CARMIL1: variants seen among roughly 807,000 people sequenced by gnomAD.
The protein encoded by CARMIL1 is F-actin-uncapping protein LRRC16A.
A neutral mutation model predicts 177.1 loss-of-function variants in CARMIL1; 90 were observed. The observed-to-expected ratio is 0.51, with a 90% confidence interval of 0.43 to 0.61. The LOEUF is 0.61. Ranked by LOEUF, CARMIL1 falls within the 20% of genes least tolerant of loss-of-function variation. The probability of loss-of-function intolerance (pLI) is 0.00; values close to 1 mark genes in which losing one functional copy is unlikely to be tolerated. For synonymous variants in CARMIL1, 577 were observed against 606.2 expected, an observed-to-expected ratio of 0.95 and a Z score of 0.71; for missense variants, 1,380 against 1,667.0, an observed-to-expected ratio of 0.83 and a Z score of 3.00.
At chr6:25,542,460 A>G (rs1809015983) in intron 26 of CARMIL1, among the ~76,000 whole-genome samples, 1 of 152,184 alleles carries the variant, frequency 6.6e-6, no homozygotes, top group Non-Finnish European at 1.5e-5. Context: ...AGTGTTCTCC[A>G]TTCATCATCG....
At chr6:25,282,334 C>T (rs1436041610) in intron 1 of CARMIL1, among the ~76,000 whole-genome samples, 2 of 152,010 alleles carry the variant, frequency 1.3e-5, no homozygotes, top group Non-Finnish European at 2.9e-5. Context: ...GAGGAGTGGC[C>T]TGTGCTTGTT....
chr6:25,568,892 TCAAA>T (rs535538741), intron 29 of CARMIL1, among the ~76,000 whole-genome samples: 1 of 152,224 alleles, frequency 6.6e-6, no homozygotes, highest in Non-Finnish European at 1.5e-5. Flanking sequence ...TAACATTAAA[TCAAA>T]CAATAGCTAA....
At chr6:25,347,385 T>G (rs17678852) in intron 2 of CARMIL1, among the ~76,000 whole-genome samples, 1 of 152,146 alleles carries the variant, frequency 6.6e-6, no homozygotes, top group Non-Finnish European at 1.5e-5. Context: ...GGCTATTGCA[T>G]GTAACTATAA....
chr6:25,464,007 A>G (rs1800365947), intron 8 of CARMIL1, among the ~76,000 whole-genome samples: 1 of 151,710 alleles, frequency 6.6e-6, no homozygotes, highest in Non-Finnish European at 1.5e-5. Context: ...TATTTTTAGT[A>G]GAGACGGGGT....
intron 26 of CARMIL1, among the ~76,000 whole-genome samples, chr6:25,545,488 G>A (rs1809361583): frequency 6.6e-6 from 1 of 152,210 alleles, no homozygotes. Flanking sequence ...ATTTGCCATT[G>A]TGGTAGAGAT....
At chr6:25,411,676 C>T (rs1021828680) in intron 2 of CARMIL1, among the ~76,000 whole-genome samples, 8 of 152,240 alleles carry the variant, frequency 5.3e-5, no homozygotes, top group Non-Finnish European at 8.8e-5. Flanking sequence ...TCCATTTCTA[C>T]ATAATGTGAA....
intron 2 of CARMIL1, among the ~76,000 whole-genome samples, chr6:25,407,092 A>T (rs979341306): frequency 6.6e-6 from 1 of 152,148 alleles, no homozygotes; most frequent in Non-Finnish European, 1.5e-5. Context: ...AGCAATCAAG[A>T]TTGGCACCTC....
intron 17 of CARMIL1, among the ~76,000 whole-genome samples, chr6:25,506,139 C>G (rs1402573145): frequency 6.6e-6 from 1 of 152,216 alleles, no homozygotes; most frequent in African/African-American, 2.4e-5. Context: ...TGTAGTGCCC[C>G]TTACCTATCA....
At chr6:25,406,822 G>A (rs1406033376) in intron 2 of CARMIL1, among the ~76,000 whole-genome samples, 1 of 152,186 alleles carries the variant, frequency 6.6e-6, no homozygotes, top group Non-Finnish European at 1.5e-5. Context: ...ACATACAAGT[G>A]AAGTTAGATC....
intron 35 of CARMIL1, among the ~76,000 whole-genome samples, chr6:25,606,795 T>C (rs1192970490): frequency 2.0e-5 from 3 of 152,170 alleles, no homozygotes; most frequent in African/African-American, 7.2e-5. Flanking sequence ...TATTTTTGCG[T>C]TGGTGTCACC....
intron 2 of CARMIL1, among the ~76,000 whole-genome samples, chr6:25,307,513 AAG>A (rs1248339064): frequency 6.6e-6 from 1 of 152,266 alleles, no homozygotes; most frequent in Non-Finnish European, 1.5e-5. Context: ...ATTTTTAAAA[AAG>A]AGATCCATTT....
At position 25,528,851 on chromosome 6, in the gene CARMIL1, C is replaced by G. The variant is rs1316651661; in HGVS notation, c.2025C>G (p.Ala675=). The part of the protein sequence containing the change: ...HETRKYLQEQ[A]YRLQQGIVTS... ...CTAGAAAATACCTTCAAGAGCAGGC[C>G]TACCGCCTGCAGCAGGGTATTGTCA... Residue 675 remains alanine (A), a synonymous_variant, in exon 24 of 37, where the codon GCC becomes GCG. Transcript: ENST00000329474. 1 of 1,610,458 alleles carries G rather than the reference C, an allele frequency of 6.2e-7. No individual in the cohort carries two copies.
chr6:25,474,878 G>A (rs1801403564), intron 11 of CARMIL1, among the ~76,000 whole-genome samples: 1 of 152,166 alleles, frequency 6.6e-6, no homozygotes, highest in African/African-American at 2.4e-5. Flanking sequence ...AGTTGTTTGA[G>A]GAAGGTTCTT....
intron 2 of CARMIL1, among the ~76,000 whole-genome samples, chr6:25,386,960 A>T (rs941162137): frequency 5.9e-5 from 9 of 151,946 alleles, no homozygotes; most frequent in Admixed American, 5.9e-4. Flanking sequence ...GTGAAACCCC[A>T]TCTCCACAAA....
intron 29 of CARMIL1, among the ~76,000 whole-genome samples, chr6:25,568,308 A>T (rs1160631996): frequency 1.3e-5 from 2 of 152,244 alleles, no homozygotes; most frequent in Non-Finnish European, 2.9e-5. Context: ...AATAGAAATT[A>T]AAAAGGTAAA....
intron 31 of CARMIL1, among the ~76,000 whole-genome samples, chr6:25,585,755 G>C (rs561929344): frequency 3.9e-5 from 6 of 152,010 alleles, no homozygotes; most frequent in South Asian, 2.1e-4. Context: ...TGACTCTTAA[G>C]GAGCATGCTG....
intron 4 of CARMIL1, among the ~76,000 whole-genome samples, chr6:25,434,604 A>G (rs9348680): frequency 0.11 from 15,933 of 145,684 alleles, 948 homozygotes; most frequent in East Asian, 0.21. Context: ...GCTCCCTGCA[A>G]CCTCCGCCTC....
At chr6:25,459,209 T>TC (rs1327148481) in intron 8 of CARMIL1, among the ~76,000 whole-genome samples, 35 of 141,076 alleles carry the variant, frequency 2.5e-4, no homozygotes, top group Middle Eastern at 3.6e-3. Flanking sequence ...GGATCCCAAC[T>TC]TTTTCTTTCT....
At chr6:25,281,824 T>C (rs946401148) in intron 1 of CARMIL1, among the ~76,000 whole-genome samples, 2 of 152,096 alleles carry the variant, frequency 1.3e-5, no homozygotes, top group African/African-American at 4.8e-5. Context: ...TAAAAAGTGT[T>C]ACAGACTTGG....
Sources: allele counts gnomAD v4.1 joint callset (sites outside exome capture counted in the v4.1 genomes callset), GRCh38; gene constraint gnomAD v4.1.1; transcripts MANE v1.5; gene names NCBI Gene and HGNC (gene_info 2026-07-23, HGNC 2026-07-21).